Variants in STK3 observed in about 807,000 individuals in gnomAD.
STK3 encodes serine/threonine kinase 3.
Under a neutral mutation model 58.0 loss-of-function variants are expected in STK3, and 41 were observed. The observed-to-expected ratio is 0.71, with a 90% confidence interval of 0.55 to 0.92. The LOEUF (loss-of-function observed/expected upper bound fraction) is 0.92. Ranked by LOEUF, STK3 falls within the 40% of genes least tolerant of loss-of-function variation. The probability of loss-of-function intolerance (pLI) is 0.00; values close to 1 mark genes in which losing one functional copy is unlikely to be tolerated. For missense variants in STK3, 479 were observed against 602.7 expected, an observed-to-expected ratio of 0.79 and a Z score of 2.15; for synonymous variants, 170 against 191.0, an observed-to-expected ratio of 0.89 and a Z score of 0.91.
chr8:98,758,342 A>C (rs888235937), intron 3 of STK3, among the ~76,000 whole-genome samples: 1 of 152,240 alleles, frequency 6.6e-6, no homozygotes, highest in Non-Finnish European at 1.5e-5. Flanking sequence ...GCAGAGACAA[A>C]ATGAAAAAGA....
chr8:98,880,233 C>T (rs1564079433), downstream of STK3: 1 of 151,984 alleles, frequency 6.6e-6, no homozygotes, highest in Admixed American at 6.6e-5. Flanking sequence ...CCTCTACCCT[C>T]GGTGACAGAG....
intron 6 of STK3, among the ~76,000 whole-genome samples, chr8:98,649,550 A>G (rs986307250): frequency 1.3e-5 from 2 of 152,212 alleles, no homozygotes; most frequent in African/African-American, 4.8e-5. Context: ...TTCCAAATGC[A>G]TGATTATCAT....
chr8:98,408,376 G>T (rs1818020811), intron 3 of STK3, among the ~76,000 whole-genome samples: 2 of 152,162 alleles, frequency 1.3e-5, no homozygotes, highest in Non-Finnish European at 2.9e-5. Context: ...AAATGCAATG[G>T]CTAAGATTCA....
chr8:98,792,706 A>G (rs954372941), intron 1 of STK3, among the ~76,000 whole-genome samples: 1 of 152,100 alleles, frequency 6.6e-6, no homozygotes, highest in East Asian at 1.9e-4. Context: ...CGTCTCAAAG[A>G]AAAAAAAGAA....
intron 2 of STK3, among the ~76,000 whole-genome samples, chr8:98,375,655 C>A (rs1163479304): frequency 6.6e-6 from 1 of 152,036 alleles, no homozygotes; most frequent in Non-Finnish European, 1.5e-5. Flanking sequence ...GAATCATGTA[C>A]TATGTACCCT....
intron 1 of STK3, among the ~76,000 whole-genome samples, chr8:98,919,718 T>C (rs778651606): frequency 2.6e-5 from 4 of 152,190 alleles, no homozygotes; most frequent in Non-Finnish European, 4.4e-5. Flanking sequence ...CAGAATGAGA[T>C]GGGTACATGA....
intron 6 of STK3, among the ~76,000 whole-genome samples, chr8:98,664,296 C>T (rs929263323): frequency 1.3e-5 from 2 of 152,156 alleles, no homozygotes; most frequent in Non-Finnish European, 2.9e-5. Context: ...AGCACTTAAT[C>T]GCAATCCTGG....
chr8:98,933,492 T>C (rs1251787186), intron 1 of STK3, among the ~76,000 whole-genome samples: 3 of 152,128 alleles, frequency 2.0e-5, no homozygotes, highest in African/African-American at 7.2e-5. Flanking sequence ...TTTAGCAGAG[T>C]GGGGAGTCAA....
chr8:98,840,689 G>T (rs909765662), intron 3 of STK3, among the ~76,000 whole-genome samples: 1 of 145,466 alleles, frequency 6.9e-6, no homozygotes, highest in Non-Finnish European at 1.5e-5. Flanking sequence ...ATTCCTATCT[G>T]TATTAATTGC....
intron 1 of STK3, among the ~76,000 whole-genome samples, chr8:98,385,499 T>A (rs1653352556): frequency 6.6e-6 from 1 of 152,108 alleles, no homozygotes; most frequent in South Asian, 2.1e-4. Flanking sequence ...AGACCCCGGA[T>A]GAAAGTGGAA....
chr8:98,695,952 G>C (rs1190392330), intron 6 of STK3, among the ~76,000 whole-genome samples: 36 of 152,098 alleles, frequency 2.4e-4, no homozygotes, highest in African/African-American at 8.4e-4. Flanking sequence ...AATTACCTTG[G>C]GCAGTATGGC....
intron 1 of STK3, among the ~76,000 whole-genome samples, chr8:98,910,206 G>A (rs1257211190): frequency 6.6e-6 from 1 of 152,020 alleles, no homozygotes; most frequent in Non-Finnish European, 1.5e-5. Context: ...CTTTTTTATT[G>A]AGTTGTAGGA....
At chr8:98,395,245 A>C (rs1207233537) in intron 3 of STK3, among the ~76,000 whole-genome samples, 4 of 152,248 alleles carry the variant, frequency 2.6e-5, no homozygotes, top group African/African-American at 9.6e-5. Context: ...TTAAAAAAAA[A>C]AACTATCAAT....
At chr8:98,752,713 T>C (rs1259548529) in intron 3 of STK3, among the ~76,000 whole-genome samples, 3 of 150,088 alleles carry the variant, frequency 2.0e-5, no homozygotes, top group Non-Finnish European at 4.4e-5. Context: ...CCAATAAAGG[T>C]CTAATATCCA....
chr8:98,434,695 G>A (rs1818421795), intron 2 of STK3, among the ~76,000 whole-genome samples: 1 of 152,204 alleles, frequency 6.6e-6, no homozygotes, highest in Non-Finnish European at 1.5e-5. Flanking sequence ...GGGAAACAGA[G>A]GGAGGGGAAA....
intron 3 of STK3, among the ~76,000 whole-genome samples, chr8:98,749,601 C>T (rs1829846289): frequency 6.6e-6 from 1 of 151,986 alleles, no homozygotes; most frequent in Non-Finnish European, 1.5e-5. Flanking sequence ...GGATTACAAA[C>T]CAGAAGAGGC....
intron 4 of STK3, among the ~76,000 whole-genome samples, chr8:98,725,300 A>G (rs185692433): frequency 2.6e-5 from 4 of 152,326 alleles, no homozygotes; most frequent in Non-Finnish European, 4.4e-5. Flanking sequence ...AGAATCCACA[A>G]GAAATTAACT....
chr8:98,586,182 A>C (rs1292185478), intron 7 of STK3, among the ~76,000 whole-genome samples: 1 of 151,328 alleles, frequency 6.6e-6, no homozygotes, highest in South Asian at 2.1e-4. Flanking sequence ...GCCAGTTTTC[A>C]AAGGGAATGC....
intron 10 of STK3, 39 bp from the exon 11 acceptor site, chr8:98,456,039 T>C (rs1480275045): frequency 6.5e-7 from 1 of 1,533,344 alleles, no homozygotes; most frequent in Non-Finnish European, 8.9e-7. Context: ...AATGAAATTA[T>C]CCACATTATC....
Sources: gnomAD v4.1 joint callset for allele counts (sites outside exome capture counted in the v4.1 genomes callset) on GRCh38, gnomAD v4.1.1 for gene constraint, MANE v1.5 for transcripts, NCBI Gene and HGNC (gene_info 2026-07-23, HGNC 2026-07-21) for gene names.